Variants in TAOK1 observed in about 807,000 individuals in gnomAD.
TAOK1 encodes the protein TAO kinase 1.
A neutral mutation model predicts 138.3 loss-of-function variants in TAOK1; 21 were observed. That is an observed-to-expected ratio of 0.15 (90% CI 0.11 to 0.22). TAOK1 has a LOEUF of 0.22. TAOK1 is among the 10% of genes least tolerant of loss of function. The probability of loss-of-function intolerance (pLI) is 1.00; values close to 1 mark genes in which losing one functional copy is unlikely to be tolerated. For missense variants in TAOK1, 651 were observed against 1,227.7 expected (o/e 0.53, Z 7.02); for synonymous variants, 361 against 398.4 (o/e 0.91, Z 1.12).
chr17:29,489,017 T>A (rs116430108), intron 8 of TAOK1, among the ~76,000 whole-genome samples: 2,001 of 152,298 alleles, frequency 0.013, 44 homozygotes, highest in African/African-American at 0.045. Context: ...TATTGGGACA[T>A]CTGAATGAAA....
chr17:29,394,794 C>T (rs1389243812), intron 1 of TAOK1, among the ~76,000 whole-genome samples: 1 of 152,022 alleles, frequency 6.6e-6, no homozygotes, highest in African/African-American at 2.4e-5. Context: ...CGAATCCCTT[C>T]AAAAAAGTGT....
intron 17 of TAOK1, 117 bp from the exon 18 acceptor site, chr17:29,530,290 T>G: frequency 1.2e-6 from 1 of 865,988 alleles, no homozygotes; most frequent in Non-Finnish European, 1.8e-6. Context: ...TGATCTGACC[T>G]GCTTGGCTTT....
intron 1 of TAOK1, among the ~76,000 whole-genome samples, chr17:29,400,771 T>C (rs948678279): frequency 4.6e-5 from 7 of 152,186 alleles, no homozygotes; most frequent in African/African-American, 1.7e-4. Flanking sequence ...TTTCAAACTT[T>C]AGTTTGTGAT....
At chr17:29,496,664 T>C (rs2031421201) in intron 11 of TAOK1, among the ~76,000 whole-genome samples, 1 of 145,032 alleles carries the variant, frequency 6.9e-6, no homozygotes, top group Non-Finnish European at 1.5e-5. Flanking sequence ...CTCGGCTCAC[T>C]GCAATCTCCA....
intron 2 of TAOK1, among the ~76,000 whole-genome samples, chr17:29,456,747 T>C (rs2030387275): frequency 6.6e-6 from 1 of 150,536 alleles, no homozygotes; most frequent in Non-Finnish European, 1.5e-5. Flanking sequence ...TTTTGTTTTG[T>C]TTTTAAAACG....
In TAOK1 at chr17:29,549,211, T is replaced by C. The variant is rs1383914029; in HGVS notation, c.*6189T>C. 6.6e-6 allele frequency: 1 copy of C among 152,202 alleles called. No individual in the cohort carries two copies. The highest frequency in any genetic ancestry group is 2.4e-5 in the African/African-American group (1 of 41,470). The allele number at this position is 152,202 out of a possible 1,614,324, so 9.4% of individuals were successfully genotyped here. A position where few individuals can be genotyped will look rare whatever the true frequency, so the allele number is the denominator to read the frequency against. On this transcript the variant is annotated 3_prime_UTR_variant, in exon 20 of 20. Transcript: ENST00000261716. Reference sequence around the variant, plus strand: ...ATTTCCAGAGTTACATATGTTCTTTTGTCATTACCCAATTTAACCTCCCTT... The same window carrying C: ...ATTTCCAGAGTTACATATGTTCTTTCGTCATTACCCAATTTAACCTCCCTT...
intron 8 of TAOK1, among the ~76,000 whole-genome samples, chr17:29,486,487 G>A (rs1402019695): frequency 6.6e-6 from 1 of 152,052 alleles, no homozygotes; most frequent in African/African-American, 2.4e-5. Context: ...GCAAAAATTA[G>A]CTGGGCGTGG....
At chr17:29,480,645 G>A (rs1195791579) in intron 7 of TAOK1, among the ~76,000 whole-genome samples, 164 bp downstream of exon 7, 1 of 152,128 alleles carries the variant, frequency 6.6e-6, no homozygotes, top group East Asian at 1.9e-4. Flanking sequence ...GAGGCAGACA[G>A]ATCACTTGAG....
rs190723275 is a variant in TAOK1 at position 29,548,209 on chromosome 17, C to T, written c.*5187C>T. On this transcript the variant is annotated 3_prime_UTR_variant, in exon 20 of 20. Transcript: ENST00000261716. The stretch of plus-strand genomic sequence containing the variant: ...TTTAGCTTAACGGTAGTCTTTAGAT[C>T]ATAAGAAATATATAAATTAGTATGC... 6.6e-6 allele frequency: 1 copy of T among 152,186 alleles called. No homozygotes were observed. Among genetic ancestry groups the T allele is most frequent in the East Asian group, 1.9e-4 (1 of 5,180 alleles). The allele number at this position is 152,186 out of a possible 1,614,324, so 9.4% of individuals were successfully genotyped here. A position where few individuals can be genotyped will look rare whatever the true frequency, so the allele number is the denominator to read the frequency against.
intron 3 of TAOK1, among the ~76,000 whole-genome samples, chr17:29,469,514 C>G (rs993132099): frequency 6.6e-6 from 1 of 152,256 alleles, no homozygotes; most frequent in African/African-American, 2.4e-5. Context: ...CTTTCTGTCT[C>G]CATAAATTTG....
intron 16 of TAOK1, among the ~76,000 whole-genome samples, chr17:29,519,881 C>T (rs1304528908): frequency 6.6e-6 from 1 of 152,132 alleles, no homozygotes; most frequent in Admixed American, 6.6e-5. Flanking sequence ...TTCTGTGATA[C>T]AGTATACATA....
intron 8 of TAOK1, among the ~76,000 whole-genome samples, 179 bp downstream of exon 8, chr17:29,482,467 C>A (rs1481867681): frequency 6.6e-6 from 1 of 151,896 alleles, no homozygotes; most frequent in East Asian, 1.9e-4. Flanking sequence ...TTAGGGTTAC[C>A]TATATTATAT....
intron 6 of TAOK1, among the ~76,000 whole-genome samples, chr17:29,479,191 G>A (rs1408392337): frequency 6.6e-6 from 1 of 151,208 alleles, no homozygotes; most frequent in Non-Finnish European, 1.5e-5. Flanking sequence ...TTATGCTTTT[G>A]AGCTGTGGTC....
At chr17:29,397,019 G>A (rs1904628240) in intron 1 of TAOK1, among the ~76,000 whole-genome samples, 1 of 137,892 alleles carries the variant, frequency 7.3e-6, no homozygotes, top group Non-Finnish European at 1.5e-5. Flanking sequence ...AAAGGGCTGG[G>A]CATGGTGGCT....
chr17:29,502,420 A>T (rs1190596862), intron 12 of TAOK1, among the ~76,000 whole-genome samples, 169 bp from the exon 13 acceptor site: 3 of 152,160 alleles, frequency 2.0e-5, no homozygotes, highest in Non-Finnish European at 4.4e-5. Flanking sequence ...ACACAGTGAG[A>T]CCCTGTTTCT....
chr17:29,485,793 C>T (rs1411453181), intron 8 of TAOK1, among the ~76,000 whole-genome samples: 2 of 152,190 alleles, frequency 1.3e-5, no homozygotes, highest in Non-Finnish European at 2.9e-5. Context: ...ATAATTTGAA[C>T]TCTTTCTCTG....
At position 29,411,766 on chromosome 17, in the gene TAOK1, T is replaced by C. The variant is rs537425073; in HGVS notation, c.-95+20742T>C. On this transcript the variant is annotated intron_variant, in intron 1 of 19. Coordinates refer to ENST00000261716, the MANE Select transcript of TAOK1 (RefSeq NM_020791.4). Reference sequence around the variant, plus strand: ...TTTTTCAGTTGTGATGTACAAACAATAAAGTGCTTAAGTGAATTTTTTTTT... The same window carrying C: ...TTTTTCAGTTGTGATGTACAAACAACAAAGTGCTTAAGTGAATTTTTTTTT... 2.8e-4 allele frequency among the ~76,000 whole-genome samples: 43 copies of C among 152,214 alleles called. No individual in the cohort carries two copies. In the South Asian group the frequency reaches 8.9e-3, roughly 32 times the overall value.
chr17:29,519,805 T>C (rs1484999297), intron 16 of TAOK1, among the ~76,000 whole-genome samples: 2 of 152,212 alleles, frequency 1.3e-5, no homozygotes, highest in Non-Finnish European at 2.9e-5. Context: ...TAAAATTTAA[T>C]ACGCACATAG....
intron 1 of TAOK1, among the ~76,000 whole-genome samples, chr17:29,413,319 G>A (rs958515988): frequency 9.9e-5 from 15 of 152,276 alleles, no homozygotes; most frequent in East Asian, 7.7e-4. Flanking sequence ...ATTTTAGGCC[G>A]GGTATGGTGG....
Sources: gnomAD v4.1 joint callset for allele counts (sites outside exome capture counted in the v4.1 genomes callset) on GRCh38, gnomAD v4.1.1 for gene constraint, MANE v1.5 for transcripts, NCBI Gene and HGNC (gene_info 2026-07-23, HGNC 2026-07-21) for gene names.